EYS: variants seen among roughly 807,000 people sequenced by gnomAD.
The protein encoded by EYS is protein eyes shut homolog.
A neutral mutation model predicts 282.1 loss-of-function variants in EYS; 250 were observed. The ratio of observed to expected loss-of-function variants is 0.89; its 90% CI spans 0.80 to 0.98. EYS has a LOEUF of 0.98. Among genes scored for constraint, EYS ranks in the 50% least tolerant of loss-of-function variants. The pLI, the probability that EYS is intolerant of heterozygous loss-of-function variation, is 0.00. For missense variants in EYS, 4,016 were observed against 3,709.0 expected, an observed-to-expected ratio of 1.08 and a Z score of -2.15; for synonymous variants, 1,355 against 1,282.9, an observed-to-expected ratio of 1.06 and a Z score of -1.20.
chr6:65,408,362 GATTAGTGCC>G (rs886382983), intron 5 of EYS, among the ~76,000 whole-genome samples: 2 of 151,990 alleles, frequency 1.3e-5, no homozygotes, highest in African/African-American at 4.8e-5. Flanking sequence ...TCTTTTAAGA[GATTAGTGCC>G]AGTTATCGAG....
rs560366325 is a variant in EYS, at chr6:64,655,546, A to T, written c.3444-29301T>A. Among the ~76,000 whole-genome samples, 11 of 152,200 alleles carry T rather than the reference A, an allele frequency of 7.2e-5. 2 individuals are homozygous for T. The highest frequency in any genetic ancestry group is 2.6e-4 in the African/African-American group (11 of 41,562). On this transcript the variant is annotated intron_variant, in intron 22 of 42. Transcript: ENST00000503581. ...AGTAATTAGAAAAAAAGGGAAACAG[A>T]CATATCAATAAAGATAATGTTTGCT...
chr6:64,333,269 C>A (rs898581662), intron 29 of EYS, among the ~76,000 whole-genome samples: 1 of 152,092 alleles, frequency 6.6e-6, no homozygotes, highest in Non-Finnish European at 1.5e-5. Flanking sequence ...GGTCGGCAAA[C>A]TTGTAAACAA....
chr6:65,369,714 G>A (rs1390336752), intron 8 of EYS, among the ~76,000 whole-genome samples: 2 of 151,580 alleles, frequency 1.3e-5, no homozygotes, highest in Non-Finnish European at 2.9e-5. Flanking sequence ...GTGCACTGTA[G>A]GATCCTTAGC....
intron 22 of EYS, among the ~76,000 whole-genome samples, chr6:64,701,439 G>A (rs1400170630): frequency 6.6e-6 from 1 of 152,014 alleles, no homozygotes; most frequent in African/African-American, 2.4e-5. Context: ...CAACTGAATA[G>A]AGACTAATAT....
At chr6:65,419,604 G>C (rs1385130179) in intron 5 of EYS, among the ~76,000 whole-genome samples, 1 of 151,740 alleles carries the variant, frequency 6.6e-6, no homozygotes, top group Non-Finnish European at 1.5e-5. Flanking sequence ...AAATTTTCTA[G>C]TCATCACATT....
chr6:64,554,414 A>G (rs1765179617), intron 26 of EYS, among the ~76,000 whole-genome samples: 2 of 152,074 alleles, frequency 1.3e-5, no homozygotes, highest in South Asian at 4.1e-4. Flanking sequence ...AAGAAGGGGC[A>G]TGACTATATC....
At chr6:64,323,959 C>A (rs1209474404) in intron 29 of EYS, among the ~76,000 whole-genome samples, 4 of 152,116 alleles carry the variant, frequency 2.6e-5, no homozygotes, top group Non-Finnish European at 5.9e-5. Flanking sequence ...GTGGGATCAT[C>A]TAAGTTTACT....
intron 22 of EYS, among the ~76,000 whole-genome samples, chr6:64,636,702 C>T (rs1767993280): frequency 6.6e-6 from 1 of 151,926 alleles, no homozygotes; most frequent in Non-Finnish European, 1.5e-5. Context: ...TGACAAAGGG[C>T]TAATATCCAG....
intron 35 of EYS, among the ~76,000 whole-genome samples, chr6:63,979,255 A>G (rs1766982801): frequency 6.6e-6 from 1 of 151,922 alleles, no homozygotes; most frequent in East Asian, 1.9e-4. Context: ...CTGCTACAAT[A>G]GGAGAGTTAA....
At chr6:64,791,024 T>A (rs1177686079) in intron 22 of EYS, among the ~76,000 whole-genome samples, 1 of 151,886 alleles carries the variant, frequency 6.6e-6, no homozygotes, top group African/African-American at 2.4e-5. Context: ...AGTTTTTACT[T>A]AATCTCCTTA....
intron 2 of EYS, among the ~76,000 whole-genome samples, chr6:65,558,798 C>A (rs1193325606): frequency 2.0e-5 from 3 of 152,212 alleles, no homozygotes; most frequent in African/African-American, 7.2e-5. Context: ...CTGGAGAACA[C>A]ACAGAGGATA....
chr6:65,354,709 C>T (rs1383568954), intron 8 of EYS, among the ~76,000 whole-genome samples: 6 of 151,950 alleles, frequency 3.9e-5, no homozygotes, highest in African/African-American at 1.4e-4. Context: ...CCCGCCTACT[C>T]TGGAGACTGA....
At chr6:65,061,652 A>G (rs1021260345) in intron 12 of EYS, among the ~76,000 whole-genome samples, 3 of 151,896 alleles carry the variant, frequency 2.0e-5, no homozygotes, top group Non-Finnish European at 4.4e-5. Context: ...ACACACACAC[A>G]TACACACACA....
intron 12 of EYS, among the ~76,000 whole-genome samples, chr6:65,192,609 C>T (rs1469450457): frequency 6.6e-6 from 1 of 151,686 alleles, no homozygotes; most frequent in Non-Finnish European, 1.5e-5. Flanking sequence ...AAATATCTAA[C>T]AGTCTACTAT....
chr6:64,591,593 G>A lies in EYS; in HGVS notation c.4274C>T (p.Thr1425Ile). Residue 1425 changes from threonine to isoleucine, a missense_variant, in exon 26 of 43, where the codon ACT becomes ATT. Transcript: ENST00000503581. ...QTVALSATPT[T>I]SVIRSIPGAD... ...CCCTGGAATGCTTCTAATTACTGAA[G>A]TCGTTGGGGTAGCAGATAAAGCAAC... is the stretch of plus-strand genomic sequence containing the variant. 6.4e-7 allele frequency: 1 copy of A among 1,551,212 alleles called. No individual in the cohort carries two copies. The highest frequency in any genetic ancestry group is 8.7e-7 in the Non-Finnish European group (1 of 1,146,728).
intron 2 of EYS, among the ~76,000 whole-genome samples, chr6:65,596,037 A>G (rs1216283153): frequency 2.0e-5 from 3 of 152,026 alleles, no homozygotes; most frequent in Non-Finnish European, 4.4e-5. Context: ...AGATGAATTG[A>G]TATCTCTCAT....
At chr6:63,857,581 G>C (rs927690716) in intron 36 of EYS, 1 of 331,368 alleles carries the variant, frequency 3.0e-6, no homozygotes, top group Non-Finnish European at 6.1e-6. Flanking sequence ...TGTTTCCTAG[G>C]GTGCTCCATG....
rs527831821 is a variant in EYS at position 65,035,487 on chromosome 6, T to C, written c.2137+22127A>G. Among the ~76,000 whole-genome samples, 52 of 152,104 alleles carry C rather than the reference T, an allele frequency of 3.4e-4. No homozygotes were observed. In the East Asian group the frequency reaches 5.8e-3, roughly 17 times the overall value. On this transcript the variant is annotated intron_variant, in intron 13 of 42. Transcript: ENST00000503581. The stretch of plus-strand genomic sequence containing the variant: ...ATCTGATAAACAACTTCAGTAAAGT[T>C]TCAGGATACAAAATCAATGTACAAA...
At chr6:64,253,587 G>GT (rs1006353314) in intron 30 of EYS, among the ~76,000 whole-genome samples, 2 of 152,228 alleles carry the variant, frequency 1.3e-5, no homozygotes, top group East Asian at 1.9e-4. Flanking sequence ...AAGCACCAGA[G>GT]TTTTTTTAGC....
Sources: gnomAD v4.1 joint callset for allele counts (sites outside exome capture counted in the v4.1 genomes callset) on GRCh38, gnomAD v4.1.1 for gene constraint, MANE v1.5 for transcripts, NCBI Gene and HGNC (gene_info 2026-07-23, HGNC 2026-07-21) for gene names.